SPP2: variants seen among roughly 807,000 people sequenced by gnomAD.
SPP2 encodes the protein secreted phosphoprotein 2.
SPP2 carries 34 observed loss-of-function variants against 28.8 expected under a neutral mutation model. That is an observed-to-expected ratio of 1.18 (90% CI 0.90 to 1.57). The LOEUF (loss-of-function observed/expected upper bound fraction) is 1.57. Ranked by LOEUF, SPP2 falls within the 40% of genes most tolerant of loss-of-function variation. The pLI, the probability that SPP2 is intolerant of heterozygous loss-of-function variation, is 0.00. For missense variants in SPP2, 269 were observed against 263.9 expected, an observed-to-expected ratio of 1.02 and a Z score of -0.13; for synonymous variants, 96 against 89.4, an observed-to-expected ratio of 1.07 and a Z score of -0.42.
chr2:234,071,276 G>A (rs1690774960), intron 7 of SPP2, among the ~76,000 whole-genome samples: 1 of 152,168 alleles, frequency 6.6e-6, no homozygotes, highest in East Asian at 1.9e-4. Context: ...GAAACATGGA[G>A]GAGACTCTGA....
At chr2:234,070,271 C>T (rs1322751751) in intron 7 of SPP2, among the ~76,000 whole-genome samples, 2 of 152,182 alleles carry the variant, frequency 1.3e-5, no homozygotes, top group African/African-American at 4.8e-5. Context: ...GAGGAGCAAA[C>T]AAACAACAAG....
intron 4 of SPP2, among the ~76,000 whole-genome samples, chr2:234,065,396 C>T (rs531715904): frequency 3.9e-5 from 6 of 152,296 alleles, no homozygotes; most frequent in African/African-American, 1.2e-4. Flanking sequence ...TGTAGTGCCT[C>T]AGCCTCCCAA....
At chr2:234,065,143 C>T (rs1260158275) in intron 4 of SPP2, among the ~76,000 whole-genome samples, 1 of 152,178 alleles carries the variant, frequency 6.6e-6, no homozygotes, top group Non-Finnish European at 1.5e-5. Flanking sequence ...CACATTATTT[C>T]CATAGCAGCT....
chr2:234,068,667 A>G (rs185681259), intron 6 of SPP2, among the ~76,000 whole-genome samples: 1 of 144,884 alleles, frequency 6.9e-6, no homozygotes, highest in East Asian at 2.0e-4. Context: ...CGTTTTTATG[A>G]GCTTTTCTTT....
At chr2:234,070,091 C>T in intron 7 of SPP2, 68 bp downstream of exon 7, 1 of 1,276,200 alleles carries the variant, frequency 7.8e-7, no homozygotes, top group Non-Finnish European at 1.1e-6. Flanking sequence ...CGCCTTAAAA[C>T]TGCTGACCTT....
At chr2:234,066,481 C>G (rs1462106277) in intron 4 of SPP2, 52 bp from the exon 5 acceptor site, 51 of 1,474,698 alleles carry the variant, frequency 3.5e-5, no homozygotes, top group Non-Finnish European at 4.3e-5. Flanking sequence ...CAGTGTCTTT[C>G]CTTTTTCTTT....
chr2:234,052,011 C>T (rs1036210017), intron 2 of SPP2, among the ~76,000 whole-genome samples: 8 of 152,204 alleles, frequency 5.3e-5, no homozygotes, highest in African/African-American at 1.9e-4. Context: ...TCTCCAAATA[C>T]AACATATTCA....
chr2:234,068,002 C>T lies in SPP2; in HGVS notation c.550+728C>T, dbSNP rs115231909. On this transcript the variant is annotated intron_variant, in intron 6 of 7. Coordinates refer to ENST00000168148, the MANE Select transcript of SPP2 (RefSeq NM_006944.3). ...ATGGGGTACATGAGATATTTTGATA[C>T]AGGCATACAATGTGTCTAATGATCT... Among the ~76,000 whole-genome samples the T allele has an allele frequency of 6.0e-3, 917 of 151,988 alleles. 12 individuals are homozygous for T. The highest frequency in any genetic ancestry group is 0.021 in the African/African-American group (864 of 41,434).
At chr2:234,061,245 A>C (rs1219116289) in intron 4 of SPP2, among the ~76,000 whole-genome samples, 2 of 152,166 alleles carry the variant, frequency 1.3e-5, no homozygotes, top group African/African-American at 4.8e-5. Context: ...TTTCCATACT[A>C]GACTGTATGT....
chr2:234,061,525 T>C (rs934124902), intron 4 of SPP2, among the ~76,000 whole-genome samples: 1 of 152,248 alleles, frequency 6.6e-6, no homozygotes, highest in African/African-American at 2.4e-5. Context: ...AACATAATCT[T>C]TCTTTCCTTT....
chr2:234,054,796 A>C (rs1022828391), intron 2 of SPP2, among the ~76,000 whole-genome samples: 2 of 152,050 alleles, frequency 1.3e-5, no homozygotes, highest in African/African-American at 4.8e-5. Context: ...GGAGAAACTG[A>C]TCATGGTGAG....
chr2:234,057,004 T>C lies in SPP2; in HGVS notation c.211-1832T>C, dbSNP rs573448136. ...GCGCTGCCTCCATCTCTCTCCTCCC[T>C]GGGCAGTACGTTCAATGTGTTGCTG... On this transcript the variant is annotated intron_variant, in intron 2 of 7. Coordinates refer to ENST00000168148, the MANE Select transcript of SPP2 (RefSeq NM_006944.3). Among the ~76,000 whole-genome samples the C allele has an allele frequency of 9.9e-5, 15 of 152,198 alleles. No individual in the cohort carries two copies. The East Asian group carries it at 2.7e-3, about 28-fold the overall frequency.
Position 234,050,981 on chromosome 2 carries a change from G to T in SPP2, c.96G>T (p.Val32=), listed in dbSNP as rs1693479793. The T allele has an allele frequency of 2.5e-6, 4 of 1,614,024 alleles. No individual in the cohort carries two copies. Among genetic ancestry groups the T allele is most frequent in the Non-Finnish European group, 2.5e-6 (3 of 1,179,940 alleles). ...MNYWSCSGFP[V]YDYDPSSLRD... Reference sequence around the variant, plus strand: ...TGCTTGCGTGTCCAGGTTTCCCAGTGTACGACTACGATCCATCCTCCTTAA... The same window carrying T: ...TGCTTGCGTGTCCAGGTTTCCCAGTTTACGACTACGATCCATCCTCCTTAA... Residue 32 remains valine (V), a synonymous_variant, in exon 2 of 8, where the codon GTG becomes GTT. Coordinates refer to ENST00000168148, the MANE Select transcript of SPP2 (RefSeq NM_006944.3).
intron 4 of SPP2, among the ~76,000 whole-genome samples, chr2:234,062,068 T>C (rs1198763662): frequency 6.6e-6 from 1 of 152,242 alleles, no homozygotes; most frequent in Non-Finnish European, 1.5e-5. Flanking sequence ...AGTCTTTTGT[T>C]AATCTTGATT....
At chr2:234,063,041 A>G (rs1693750844) in intron 4 of SPP2, among the ~76,000 whole-genome samples, 1 of 152,194 alleles carries the variant, frequency 6.6e-6, no homozygotes, top group South Asian at 2.1e-4. Flanking sequence ...AAAAAATTCT[A>G]CAATTTGAAA....
intron 4 of SPP2, among the ~76,000 whole-genome samples, chr2:234,064,288 C>T (rs944499632): frequency 7.3e-5 from 11 of 151,666 alleles, no homozygotes; most frequent in Non-Finnish European, 1.2e-4. Context: ...CTGCACTCCA[C>T]GTCCACCCTT....
rs1693663815 is a variant in SPP2 at position 234,058,952 on chromosome 2, C to T, written c.327C>T (p.Tyr109=). ...DPATCAFQRD[Y]YVSTAVCRST... ...CTACATGTGCCTTCCAGAGGGACTACTATGTGGTAAGTGGGAGGAGACCCA... is the reference window on the plus strand; with the variant it reads ...CTACATGTGCCTTCCAGAGGGACTATTATGTGGTAAGTGGGAGGAGACCCA... The change falls in exon 3 of 8, where the codon TAC becomes TAT. Residue 109 remains tyrosine (Y), a synonymous_variant. Transcript: ENST00000168148. 3.1e-6 allele frequency: 5 copies of T among 1,613,004 alleles called. No homozygotes were observed. The highest frequency in any genetic ancestry group is 3.4e-6 in the Non-Finnish European group (4 of 1,179,540).
chr2:234,066,451 C>A, intron 4 of SPP2, 82 bp from the exon 5 acceptor site: 1 of 1,120,090 alleles, frequency 8.9e-7, no homozygotes, highest in Non-Finnish European at 1.3e-6. Flanking sequence ...CAGAGTCTTC[C>A]AGATGACATT....
At chr2:234,075,187 G>A (rs1199247416) in intron 7 of SPP2, among the ~76,000 whole-genome samples, 2 of 152,082 alleles carry the variant, frequency 1.3e-5, no homozygotes, top group Non-Finnish European at 2.9e-5. Context: ...AAAGAACCAT[G>A]AGTACTGATT....
Sources: allele counts gnomAD v4.1 joint callset (sites outside exome capture counted in the v4.1 genomes callset), GRCh38; gene constraint gnomAD v4.1.1; transcripts MANE v1.5; gene names NCBI Gene and HGNC (gene_info 2026-07-23, HGNC 2026-07-21).